COX6C: variants seen among roughly 807,000 people sequenced by gnomAD.
COX6C encodes the protein cytochrome c oxidase polypeptide VIc.
Under a neutral mutation model 6.9 loss-of-function variants are expected in COX6C, and 3 were observed. The observed-to-expected ratio is 0.43, with a 90% CI of 0.20 to 1.12. The LOEUF (loss-of-function observed/expected upper bound fraction) is 1.12, where lower values mean the gene tolerates loss of function less well. Among genes scored for constraint, COX6C ranks in the 50% most tolerant of loss-of-function variants. COX6C has a pLI of 0.27. For synonymous variants in COX6C, 32 were observed against 32.0 expected, an observed-to-expected ratio of 1.00 and a Z score of 0.00; for missense variants, 101 against 97.3, an observed-to-expected ratio of 1.04 and a Z score of -0.16.
At chr8:99,890,879 C>T (rs567803681) in intron 2 of COX6C, among the ~76,000 whole-genome samples, 72 of 152,320 alleles carry the variant, frequency 4.7e-4, no homozygotes, top group African/African-American at 1.7e-3. Context: ...CTATAATCGG[C>T]CCACCATTCC....
intron 2 of COX6C, among the ~76,000 whole-genome samples, chr8:99,891,171 C>T (rs1264125478): frequency 3.3e-5 from 5 of 152,190 alleles, no homozygotes; most frequent in Non-Finnish European, 7.3e-5. Flanking sequence ...AGAATCTAAA[C>T]GTTTTTTGGA....
chr8:99,880,018 C>T (rs982897918), intron 3 of COX6C, among the ~76,000 whole-genome samples: 3 of 152,192 alleles, frequency 2.0e-5, no homozygotes, highest in Admixed American at 1.3e-4. Context: ...CTAAGAAAAA[C>T]TGAAAGGCAG....
In COX6C at chr8:99,889,975, T is replaced by C. The variant is rs188053881; in HGVS notation, c.114+1933A>G. 3.8e-3 allele frequency among the ~76,000 whole-genome samples: 574 copies of C among 151,774 alleles called. 3 individuals carry two copies. The highest frequency in any genetic ancestry group is 0.012 in the African/African-American group (499 of 41,436). ...CGGGTGTGGTGGCGGACGCCTGTAG[T>C]CCCAGCTACTCAGGAGGCTGAGGCA... On this transcript the variant is annotated intron_variant, in intron 2 of 3. Coordinates refer to ENST00000520468, the MANE Select transcript of COX6C (RefSeq NM_004374.4).
In COX6C at chr8:99,885,448, G is replaced by C. The variant is rs187127575; in HGVS notation, c.*15+2042C>G. ...AAAACGGACTACTGTAATCAAAACA[G>C]TGTAGTACTGCCCCGAAGACAGACA... On this transcript the variant is annotated intron_variant, in intron 3 of 3. Transcript: ENST00000520468. 8.7e-4 allele frequency among the ~76,000 whole-genome samples: 132 copies of C among 152,252 alleles called. 1 individual carries two copies. The highest frequency in any genetic ancestry group is 3.1e-3 in the African/African-American group (128 of 41,558).
chr8:99,887,230 G>C, intron 3 of COX6C: 1 of 276,892 alleles, frequency 3.6e-6, no homozygotes, highest in Non-Finnish European at 6.8e-6. Flanking sequence ...AGCATCAGCT[G>C]TTTACCCTTG....
intron 3 of COX6C, among the ~76,000 whole-genome samples, chr8:99,881,694 G>A (rs1817868328): frequency 6.6e-6 from 1 of 152,176 alleles, no homozygotes; most frequent in Admixed American, 6.5e-5. Flanking sequence ...GGAAAGAAAT[G>A]AGGGACAAAG....
intron 2 of COX6C, 82 bp downstream of exon 2, chr8:99,891,826 C>T (rs1394978227): frequency 8.5e-7 from 1 of 1,182,276 alleles, no homozygotes; most frequent in Admixed American, 1.7e-5. Context: ...AAACACATTA[C>T]AAGGGGGAGT....
chr8:99,889,687 C>T (rs2131010358), intron 2 of COX6C, among the ~76,000 whole-genome samples: 1 of 152,122 alleles, frequency 6.6e-6, no homozygotes, highest in African/African-American at 2.4e-5. Context: ...TGTACCTGGC[C>T]TCGCCTCCCA....
At chr8:99,880,530 A>T (rs1335732270) in intron 3 of COX6C, among the ~76,000 whole-genome samples, 1 of 152,176 alleles carries the variant, frequency 6.6e-6, no homozygotes, top group Non-Finnish European at 1.5e-5. Flanking sequence ...CAGCAGACTC[A>T]GGCAGAGGAA....
At chr8:99,888,619 C>T (rs1817982687) in intron 2 of COX6C, among the ~76,000 whole-genome samples, 1 of 152,128 alleles carries the variant, frequency 6.6e-6, no homozygotes, top group African/African-American at 2.4e-5. Context: ...TGCTGGGGGC[C>T]ATCATTACAT....
chr8:99,890,836 T>C (rs1194536067), intron 2 of COX6C, among the ~76,000 whole-genome samples: 4 of 152,264 alleles, frequency 2.6e-5, no homozygotes, highest in Non-Finnish European at 1.5e-5. Context: ...TAAAACGCAA[T>C]TCTGTGACAA....
intron 2 of COX6C, among the ~76,000 whole-genome samples, chr8:99,891,164 A>C (rs1221063489): frequency 6.6e-6 from 1 of 152,250 alleles, no homozygotes; most frequent in Non-Finnish European, 1.5e-5. Context: ...GTACCTCAGA[A>C]TCTAAACGTT....
intron 3 of COX6C, among the ~76,000 whole-genome samples, chr8:99,880,905 A>G (rs914349477): frequency 2.0e-5 from 3 of 152,196 alleles, no homozygotes; most frequent in African/African-American, 7.2e-5. Context: ...TGAAGGAGAA[A>G]TTCCCAGATA....
intron 2 of COX6C, among the ~76,000 whole-genome samples, chr8:99,890,939 T>TA (rs1167185027): frequency 2.6e-5 from 4 of 152,212 alleles, no homozygotes; most frequent in African/African-American, 9.6e-5. Flanking sequence ...GCTACAAAAT[T>TA]AAAAATACAA....
intron 1 of COX6C, among the ~76,000 whole-genome samples, chr8:99,892,284 G>A (rs1318338668): frequency 1.3e-5 from 2 of 152,094 alleles, no homozygotes; most frequent in Non-Finnish European, 2.9e-5. Context: ...CCAAAGTGCT[G>A]GGATTCCGGC....
chr8:99,887,667 T>C, intron 2 of COX6C, 49 bp from the exon 3 acceptor site: 3 of 1,253,760 alleles, frequency 2.4e-6, no homozygotes, highest in Non-Finnish European at 3.4e-6. Context: ...TACTGGAAAT[T>C]AGATTCCAGA....
At chr8:99,888,903 C>G (rs1020353425) in intron 2 of COX6C, among the ~76,000 whole-genome samples, 1 of 152,218 alleles carries the variant, frequency 6.6e-6, no homozygotes, top group African/African-American at 2.4e-5. Flanking sequence ...GGAGCCTAGT[C>G]TCTTCAGCTC....
chr8:99,878,594 C>G (rs1232316755), intron 3 of COX6C: 1 of 132,822 alleles, frequency 7.5e-6, no homozygotes, highest in Non-Finnish European at 1.6e-5. Context: ...CTGCCATTAA[C>G]CCTTATAGCC....
rs1468998256 is a variant in COX6C at position 99,878,277 on chromosome 8, AAC to A, written c.*16-14_*16-13del. 1 of 152,232 alleles carries A rather than the reference AAC, an allele frequency of 6.6e-6. No individual in the cohort carries two copies. Among genetic ancestry groups the A allele is most frequent in the Non-Finnish European group, 1.5e-5 (1 of 68,036 alleles). The allele number at this position is 152,232 out of a possible 1,614,324, so 9.4% of individuals were successfully genotyped here. A position where few individuals can be genotyped will look rare whatever the true frequency, so the allele number is the denominator to read the frequency against. On this transcript the variant is annotated splice_polypyrimidine_tract_variant and intron_variant, in intron 3 of 3. Coordinates refer to ENST00000520468, the MANE Select transcript of COX6C (RefSeq NM_004374.4). ...AACCTGAAGAAATTCTGTGAAGAGA[AAC>A]ACAAAGGCTAAGTTAGAGATAAACA... is the stretch of plus-strand genomic sequence containing the variant.
Sources: allele counts gnomAD v4.1 joint callset (sites outside exome capture counted in the v4.1 genomes callset), GRCh38; gene constraint gnomAD v4.1.1; transcripts MANE v1.5; gene names NCBI Gene and HGNC (gene_info 2026-07-23, HGNC 2026-07-21).